The following ANGPT2 variants were observed in gnomAD, a reference collection of about 807,000 sequenced individuals.
ANGPT2 encodes the protein angiopoietin-2.
ANGPT2 carries 28 observed loss-of-function variants against 62.9 expected under a neutral mutation model. The observed-to-expected ratio is 0.44, with a 90% CI of 0.33 to 0.61. ANGPT2 has a LOEUF of 0.61. Among genes scored for constraint, ANGPT2 ranks in the 20% least tolerant of loss-of-function variants. The pLI is 0.03. For missense variants in ANGPT2, 727 were observed against 594.9 expected, an observed-to-expected ratio of 1.22 and a Z score of -2.31; for synonymous variants, 284 against 207.8, an observed-to-expected ratio of 1.37 and a Z score of -3.15.
intron 4 of ANGPT2, 39 bp downstream of exon 4, chr8:6,521,139 G>A (rs762463383): frequency 2.6e-6 from 4 of 1,559,200 alleles, no homozygotes; most frequent in South Asian, 2.3e-5. Flanking sequence ...ACTGACTAAA[G>A]GTTATTAACG....
At chr8:6,526,603 T>A (rs1039151078) in intron 3 of ANGPT2, among the ~76,000 whole-genome samples, 1 of 152,248 alleles carries the variant, frequency 6.6e-6, no homozygotes, top group Non-Finnish European at 1.5e-5. Context: ...AATAATGACT[T>A]AAACTTGGTA....
intron 1 of ANGPT2, among the ~76,000 whole-genome samples, chr8:6,561,008 A>C (rs373361001): frequency 1.3e-5 from 2 of 152,214 alleles, no homozygotes; most frequent in African/African-American, 4.8e-5. Context: ...CTCTGTAACC[A>C]CGGTGGATGT....
chr8:6,545,529 T>G (rs1203152305), intron 1 of ANGPT2, among the ~76,000 whole-genome samples: 1 of 152,198 alleles, frequency 6.6e-6, no homozygotes, highest in Non-Finnish European at 1.5e-5. Flanking sequence ...TTAAAGTAAC[T>G]ATCTTAGAGA....
intron 1 of ANGPT2, among the ~76,000 whole-genome samples, chr8:6,549,676 A>C (rs1823268961): frequency 7.2e-6 from 1 of 139,648 alleles, no homozygotes; most frequent in Admixed American, 7.5e-5. Flanking sequence ...GCAGGGGAAG[A>C]AGCCTTCCGT....
At chr8:6,533,747 G>C (rs1389493620) in intron 1 of ANGPT2, among the ~76,000 whole-genome samples, 1 of 151,994 alleles carries the variant, frequency 6.6e-6, no homozygotes, top group Non-Finnish European at 1.5e-5. Flanking sequence ...TGGTTCTGGT[G>C]CCCTCCTTTA....
intron 7 of ANGPT2, among the ~76,000 whole-genome samples, chr8:6,512,920 C>T (rs1169866831): frequency 6.6e-6 from 1 of 152,174 alleles, no homozygotes; most frequent in Non-Finnish European, 1.5e-5. Context: ...AACTTGACAA[C>T]TAATCTTGAC....
chr8:6,513,622 C>A (rs539251224), intron 7 of ANGPT2, 56 bp downstream of exon 7: 30 of 1,520,924 alleles, frequency 2.0e-5, no homozygotes, highest in Non-Finnish European at 2.6e-5. Context: ...CGTGAGCCAC[C>A]GTGCCCGGCC....
At chr8:6,506,695 C>G (rs1563310185) in intron 8 of ANGPT2, among the ~76,000 whole-genome samples, 1 of 151,084 alleles carries the variant, frequency 6.6e-6, no homozygotes, top group Non-Finnish European at 1.5e-5. Context: ...GAGGGCTTTG[C>G]TCATTGGTGT....
intron 7 of ANGPT2, among the ~76,000 whole-genome samples, chr8:6,509,982 C>T (rs142886693): frequency 0.013 from 1,992 of 152,176 alleles, 22 homozygotes; most frequent in Non-Finnish European, 0.02. Context: ...AAATTTAAAT[C>T]CCAAAGTGTA....
intron 1 of ANGPT2, among the ~76,000 whole-genome samples, chr8:6,533,470 AG>A (rs1443645677): frequency 2.6e-5 from 4 of 151,034 alleles, no homozygotes; most frequent in East Asian, 2.0e-4. Context: ...TATGTAAAAT[AG>A]GGTTTCTGGT....
chr8:6,516,066 A>T (rs2515427), intron 5 of ANGPT2, among the ~76,000 whole-genome samples: 12 of 152,188 alleles, frequency 7.9e-5, no homozygotes, highest in African/African-American at 2.9e-4. Context: ...AAGGTCACCC[A>T]GCTCGTATTG....
intron 1 of ANGPT2, among the ~76,000 whole-genome samples, chr8:6,555,256 A>G (rs1028114036): frequency 3.9e-5 from 6 of 152,128 alleles, no homozygotes; most frequent in African/African-American, 1.2e-4. Flanking sequence ...CCGTTTTCAA[A>G]CTCTAATAGT....
intron 1 of ANGPT2, 95 bp downstream of exon 1, chr8:6,562,552 C>CTTTTTTTCTTTTTTTTTTTTTTT (rs1825704138): frequency 1.4e-5 from 1 of 71,750 alleles, no homozygotes; most frequent in Non-Finnish European, 2.6e-5. Context: ...CATCCTCCTT[C>CTTTTTTTCTTTTTTTTTTTTTTT]TTTTTTTTTT....
intron 1 of ANGPT2, among the ~76,000 whole-genome samples, chr8:6,544,557 G>C (rs1822196743): frequency 6.6e-6 from 1 of 152,134 alleles, no homozygotes; most frequent in African/African-American, 2.4e-5. Flanking sequence ...GTTTGTCGAA[G>C]TTTTTTTCAG....
At chr8:6,555,197 T>G (rs551216557) in intron 1 of ANGPT2, among the ~76,000 whole-genome samples, 1 of 152,262 alleles carries the variant, frequency 6.6e-6, no homozygotes, top group East Asian at 1.9e-4. Flanking sequence ...TGCCAGGCCA[T>G]TTTTGGTGAT....
At chr8:6,505,450 T>A (rs1813338315) in intron 8 of ANGPT2, among the ~76,000 whole-genome samples, 1 of 85,822 alleles carries the variant, frequency 1.2e-5, no homozygotes, top group Non-Finnish European at 2.4e-5. Flanking sequence ...TTTATATACA[T>A]ATAGAATATA....
At chr8:6,522,280 G>A (rs1346646310) in intron 3 of ANGPT2, among the ~76,000 whole-genome samples, 3 of 151,992 alleles carry the variant, frequency 2.0e-5, no homozygotes, top group East Asian at 1.9e-4. Context: ...GCGTGATCTC[G>A]GGAGGCGGAG....
intron 8 of ANGPT2, among the ~76,000 whole-genome samples, chr8:6,507,018 C>G (rs1813871110): frequency 1.3e-5 from 2 of 152,074 alleles, no homozygotes; most frequent in Admixed American, 6.6e-5. Flanking sequence ...CTGCCTCAGC[C>G]TCCTGAGTAG....
Position 6,499,681 on chromosome 8 carries a change from A to G in ANGPT2, c.*3420T>C. 3.3e-6 allele frequency: 2 copies of G among 602,080 alleles called. No individual in the cohort carries two copies. The highest frequency in any genetic ancestry group is 2.8e-5 in the Admixed American group (1 of 35,206). 37.3% of individuals were successfully genotyped at this position (602,080 alleles called of 1,614,324 possible). A position where few individuals can be genotyped will look rare whatever the true frequency, so the allele number is the denominator to read the frequency against. On this transcript the variant is annotated 3_prime_UTR_variant, in exon 9 of 9. Transcript: ENST00000629816. ...CTCAATCAACTTTTTATTAATATTC[A>G]TAACATTTATGCAACATGAAGATTC...
Sources: gnomAD v4.1 joint callset for allele counts (sites outside exome capture counted in the v4.1 genomes callset) on GRCh38, gnomAD v4.1.1 for gene constraint, MANE v1.5 for transcripts, NCBI Gene and HGNC (gene_info 2026-07-23, HGNC 2026-07-21) for gene names.